Variants in LRP1B observed in about 807,000 individuals in gnomAD.
LRP1B encodes low-density lipoprotein receptor-related protein 1B.
LRP1B carries 217 observed loss-of-function variants against 556.6 expected under a neutral mutation model. That is an observed-to-expected ratio of 0.39 (90% CI 0.35 to 0.44). The LOEUF (loss-of-function observed/expected upper bound fraction) is 0.44. LRP1B is among the 20% of genes least tolerant of loss of function. The pLI is 1.00. For missense variants in LRP1B, 5,053 were observed against 5,620.8 expected, an observed-to-expected ratio of 0.90 and a Z score of 3.23; for synonymous variants, 2,047 against 1,865.8, an observed-to-expected ratio of 1.10 and a Z score of -2.50.
chr2:140,665,502 G>A (rs961220652), intron 41 of LRP1B, among the ~76,000 whole-genome samples: 2 of 152,108 alleles, frequency 1.3e-5, no homozygotes, highest in African/African-American at 4.8e-5. Flanking sequence ...AATTAAATAT[G>A]TTCCTAAATT....
intron 1 of LRP1B, among the ~76,000 whole-genome samples, chr2:141,922,141 A>C (rs1344451024): frequency 6.6e-6 from 1 of 152,228 alleles, no homozygotes; most frequent in East Asian, 1.9e-4. Flanking sequence ...CCTAAACATT[A>C]TACAAGAAAA....
chr2:141,350,092 C>A (rs142644688), intron 3 of LRP1B, among the ~76,000 whole-genome samples: 1 of 151,992 alleles, frequency 6.6e-6, no homozygotes, highest in Non-Finnish European at 1.5e-5. Flanking sequence ...TCATGAGACC[C>A]CCTCACTGTC....
chr2:141,952,476 T>C (rs1701133423), intron 1 of LRP1B, among the ~76,000 whole-genome samples: 1 of 152,130 alleles, frequency 6.6e-6, no homozygotes, highest in Admixed American at 6.6e-5. Context: ...CTACAGTTTG[T>C]AGTGAAACAT....
At chr2:140,416,419 G>A (rs1685204612) in intron 66 of LRP1B, among the ~76,000 whole-genome samples, 1 of 152,162 alleles carries the variant, frequency 6.6e-6, no homozygotes, top group African/African-American at 2.4e-5. Flanking sequence ...ACTTGGGGAG[G>A]CTGAGGTGGG....
At chr2:140,364,511 C>T in intron 72 of LRP1B, 150 bp downstream of exon 72, 5 of 886,066 alleles carry the variant, frequency 5.6e-6, no homozygotes, top group Non-Finnish European at 8.4e-6. Context: ...CCCTTTATTA[C>T]CTGAACAAAA....
intron 19 of LRP1B, among the ~76,000 whole-genome samples, chr2:140,951,161 A>G (rs1481230075): frequency 2.0e-5 from 3 of 152,122 alleles, no homozygotes; most frequent in South Asian, 2.1e-4. Flanking sequence ...TTATAATTCT[A>G]TCTTCAATAT....
chr2:141,043,439 A>G (rs1698767364), intron 11 of LRP1B, among the ~76,000 whole-genome samples: 1 of 151,714 alleles, frequency 6.6e-6, no homozygotes, highest in African/African-American at 2.4e-5. Context: ...CATTATCCCT[A>G]TATGTCTATT....
chr2:141,522,045 G>A (rs958027413), intron 2 of LRP1B, among the ~76,000 whole-genome samples: 1 of 152,078 alleles, frequency 6.6e-6, no homozygotes, highest in Non-Finnish European at 1.5e-5. Flanking sequence ...GGAAAACAGG[G>A]CAACAGCATA....
intron 3 of LRP1B, among the ~76,000 whole-genome samples, chr2:141,473,782 C>T (rs1342772020): frequency 6.6e-6 from 1 of 152,042 alleles, no homozygotes; most frequent in Non-Finnish European, 1.5e-5. Context: ...GTGTTGATGA[C>T]AGATACACTT....
chr2:141,071,717 A>G (rs1463338102), intron 7 of LRP1B, among the ~76,000 whole-genome samples: 2 of 152,182 alleles, frequency 1.3e-5, no homozygotes, highest in African/African-American at 2.4e-5. Flanking sequence ...ATAACAGACA[A>G]ACAGAGAGCC....
At chr2:141,989,999 A>G (rs536807384) in intron 1 of LRP1B, among the ~76,000 whole-genome samples, 1 of 152,230 alleles carries the variant, frequency 6.6e-6, no homozygotes, top group East Asian at 1.9e-4. Flanking sequence ...AGCTTTACAT[A>G]TGGAATACAC....
intron 3 of LRP1B, among the ~76,000 whole-genome samples, chr2:141,291,103 T>G (rs1034883507): frequency 3.9e-5 from 6 of 152,148 alleles, no homozygotes; most frequent in Admixed American, 1.3e-4. Context: ...GAAACATTAT[T>G]GATAGGTTTA....
At chr2:140,497,090 T>C (rs1688978235) in intron 55 of LRP1B, among the ~76,000 whole-genome samples, 1 of 151,872 alleles carries the variant, frequency 6.6e-6, no homozygotes, top group East Asian at 1.9e-4. Flanking sequence ...AGCATCCAAG[T>C]AACATCAATT....
chr2:141,075,779 G>A (rs75341873), intron 7 of LRP1B, among the ~76,000 whole-genome samples: 3,099 of 152,240 alleles, frequency 0.02, 114 homozygotes, highest in East Asian at 0.14. Flanking sequence ...CTGGTTCACT[G>A]CTATGCTAAT....
intron 1 of LRP1B, among the ~76,000 whole-genome samples, chr2:142,017,671 T>C (rs192333805): frequency 1.2e-3 from 182 of 152,146 alleles, no homozygotes; most frequent in African/African-American, 4.2e-3. Flanking sequence ...GCCCAAGAGT[T>C]TTGAGACCAG....
intron 43 of LRP1B, among the ~76,000 whole-genome samples, chr2:140,583,925 G>C (rs1010285049): frequency 6.6e-6 from 1 of 152,088 alleles, no homozygotes; most frequent in Non-Finnish European, 1.5e-5. Flanking sequence ...TTCCCATAAT[G>C]TCTTGGTTGC....
chr2:141,674,729 A>G (rs1383416991), intron 2 of LRP1B, among the ~76,000 whole-genome samples: 1 of 152,062 alleles, frequency 6.6e-6, no homozygotes, highest in Non-Finnish European at 1.5e-5. Flanking sequence ...GGGTACACAT[A>G]TAAAAATGGA....
chr2:140,465,780 G>A (rs1687522255), intron 60 of LRP1B, among the ~76,000 whole-genome samples: 1 of 151,488 alleles, frequency 6.6e-6, no homozygotes, highest in Non-Finnish European at 1.5e-5. Context: ...GTATTCAAGG[G>A]ACAAAACTGA....
At chr2:141,511,184 T>C (rs1684118701) in intron 2 of LRP1B, among the ~76,000 whole-genome samples, 1 of 152,148 alleles carries the variant, frequency 6.6e-6, no homozygotes, top group Non-Finnish European at 1.5e-5. Context: ...TATAAAAGTA[T>C]ATGAAATCTT....
Sources: gnomAD v4.1 joint callset for allele counts (sites outside exome capture counted in the v4.1 genomes callset) on GRCh38, gnomAD v4.1.1 for gene constraint, MANE v1.5 for transcripts, NCBI Gene and HGNC (gene_info 2026-07-23, HGNC 2026-07-21) for gene names.